BTNL9: variants seen among roughly 807,000 people sequenced by gnomAD.
BTNL9 encodes the protein butyrophilin-like protein 9.
A neutral mutation model predicts 45.8 loss-of-function variants in BTNL9; 45 were observed. The observed-to-expected ratio is 0.98, with a 90% CI of 0.77 to 1.26. The LOEUF (loss-of-function observed/expected upper bound fraction) is 1.26. Among genes scored for constraint, BTNL9 ranks in the 50% most tolerant of loss-of-function variants. The pLI, the probability that BTNL9 is intolerant of heterozygous loss-of-function variation, is 0.00. For missense variants in BTNL9, 784 were observed against 729.7 expected (o/e 1.07, Z -0.86); for synonymous variants, 346 against 330.8 (o/e 1.05, Z -0.50).
intron 9 of BTNL9, among the ~76,000 whole-genome samples, chr5:181,057,826 C>T (rs999772821): frequency 6.6e-6 from 1 of 152,196 alleles, no homozygotes; most frequent in Non-Finnish European, 1.5e-5. Flanking sequence ...GCTCTGAGAA[C>T]GTCTTGTGTT....
chr5:181,045,508 T>A lies in BTNL9; in HGVS notation c.19T>A (p.Ser7Thr). The A allele has an allele frequency of 6.2e-7, 1 of 1,609,766 alleles. No individual in the cohort carries two copies. Residue 7 changes from serine to threonine, a missense_variant, in exon 2 of 11, where the codon TCC becomes ACC. By Grantham distance (58) the Ser-to-Thr change is moderately conservative. Coordinates refer to ENST00000327705, the MANE Select transcript of BTNL9 (RefSeq NM_152547.5). The part of the protein sequence containing the change: MVDLSV[S>T]PDSLKPVSLT... ...ACGAGAGATGGTGGACCTCTCAGTCTCCCCAGACTCCTTGAAGCCAGTATC... is the reference window on the plus strand; with the variant it reads ...ACGAGAGATGGTGGACCTCTCAGTCACCCCAGACTCCTTGAAGCCAGTATC...
At chr5:181,059,139 A>G (rs1762027093) in intron 10 of BTNL9, 98 bp from the exon 11 acceptor site, 1 of 1,404,262 alleles carries the variant, frequency 7.1e-7, no homozygotes, top group Non-Finnish European at 9.2e-7. Flanking sequence ...TTCCTCGATT[A>G]TTCCACCAAG....
rs1471865441 is a variant in BTNL9, at chr5:181,059,438, G to T, written c.1184G>T (p.Arg395Leu). ...YWEVHVGRRS[R>L]WFLGACLAAV... ...GAGGTGCACGTGGGCCGCCGCAGCC[G>T]CTGGTTCCTGGGCGCCTGCCTGGCC... The change falls in exon 11 of 11, where the codon CGC becomes CTC. Residue 395 changes from arginine to leucine, a missense_variant. Coordinates refer to ENST00000327705, the MANE Select transcript of BTNL9 (RefSeq NM_152547.5). 2.0e-6 allele frequency: 3 copies of T among 1,473,032 alleles called. No homozygotes were observed. The highest frequency in any genetic ancestry group is 2.7e-6 in the Non-Finnish European group (3 of 1,116,974). 91.2% of individuals were successfully genotyped at this position (1,473,032 alleles called of 1,614,324 possible). A position where few individuals can be genotyped will look rare whatever the true frequency, so the allele number is the denominator to read the frequency against.
At position 181,055,533 on chromosome 5, in the gene BTNL9, G is replaced by T. The variant is rs1761831469; in HGVS notation, c.928+80G>T. On this transcript the variant is annotated intron_variant, in intron 8 of 10. Coordinates refer to ENST00000327705, the MANE Select transcript of BTNL9 (RefSeq NM_152547.5). This position sits in a 1 kb window ranked among gnomAD's most constrained non-coding sequence, Gnocchi z 4.4. ...ACCTGTAATCCCAGTACTTTGGGAG[G>T]CCGAGGCGGGTGGATCACGAGGTCA... 6 of 1,515,682 alleles carry T rather than the reference G, an allele frequency of 4.0e-6. No individual in the cohort carries two copies. Among genetic ancestry groups the T allele is most frequent in the Non-Finnish European group, 5.5e-6 (6 of 1,092,994 alleles). The allele number at this position is 1,515,682 out of a possible 1,614,324, so 93.9% of individuals were successfully genotyped here.
chr5:181,045,827 C>G (rs898875021), intron 2 of BTNL9, among the ~76,000 whole-genome samples: 15 of 132,518 alleles, frequency 1.1e-4, no homozygotes, highest in African/African-American at 3.3e-4. Context: ...ATCTCTCCAG[C>G]CCTCAACACC....
At chr5:181,047,636 T>C in intron 2 of BTNL9, 3 of 614,916 alleles carry the variant, frequency 4.9e-6, no homozygotes, top group East Asian at 5.1e-5. Context: ...GCCTTGGTCA[T>C]ATTTACATAA....
At chr5:181,054,213 C>T (rs776147638) in intron 6 of BTNL9, 26 bp from the exon 7 acceptor site, 20 of 1,607,378 alleles carry the variant, frequency 1.2e-5, no homozygotes, top group East Asian at 1.1e-4. Flanking sequence ...CCCTTTTCTT[C>T]ATCTTTTTTT....
At position 181,050,118 on chromosome 5, in the gene BTNL9, A is replaced by C. The variant is rs1180731521; in HGVS notation, c.485A>C (p.Glu162Ala). ...GLGSDPHLSLEGFKEGGIQLR... is the reference protein window; with the variant it reads ...GLGSDPHLSLAGFKEGGIQLR... The stretch of plus-strand genomic sequence containing the variant: ...GGCTCAGACCCTCACCTCTCCCTTG[A>C]GGGCTTCAAGGAAGGAGGCATTCAG... Residue 162 changes from glutamate (E) to alanine (A), a missense_variant, in exon 4 of 11, where the codon GAG becomes GCG. Coordinates refer to ENST00000327705, the MANE Select transcript of BTNL9 (RefSeq NM_152547.5). This position sits in a 1 kb window ranked among gnomAD's most constrained non-coding sequence, Gnocchi z 4.9. The C allele has an allele frequency of 3.1e-6, 5 of 1,613,820 alleles. No individual in the cohort carries two copies. Among genetic ancestry groups the C allele is most frequent in the African/African-American group, 1.3e-5 (1 of 74,924 alleles).
At chr5:181,046,566 C>G (rs1761169512) in intron 2 of BTNL9, among the ~76,000 whole-genome samples, 1 of 152,124 alleles carries the variant, frequency 6.6e-6, no homozygotes, top group South Asian at 2.1e-4. Flanking sequence ...ACCAGGAATA[C>G]CAAGGTGACT....
intron 3 of BTNL9, among the ~76,000 whole-genome samples, chr5:181,048,781 ATTAATT>A (rs1761344438): frequency 8.8e-6 from 1 of 113,218 alleles, no homozygotes; most frequent in Non-Finnish European, 1.8e-5. Context: ...TATGCTATAT[ATTAATT>A]ATATAGTTAT....
At position 181,045,569 on chromosome 5, in the gene BTNL9, T is replaced by A; in HGVS notation, c.80T>A (p.Leu27His). Residue 27 changes from leucine to histidine, a missense_variant, in exon 2 of 11, where the codon CTC (leucine) becomes CAC (histidine). By Grantham distance (99) the Leu-to-His change is moderately conservative. Coordinates refer to ENST00000327705, the MANE Select transcript of BTNL9 (RefSeq NM_152547.5). ...TSSLVFLMHL[L>H]LLQPGEPSSE... ...AGTCTTGTCTTCCTCATGCACCTCC[T>A]CCTCCTTCAGCCTGGGGAGCCGAGC... 6.2e-7 allele frequency: 1 copy of A among 1,612,502 alleles called. No homozygotes were observed. The highest frequency in any genetic ancestry group is 1.1e-5 in the South Asian group (1 of 91,072).
intron 7 of BTNL9, 114 bp downstream of exon 7, chr5:181,054,373 T>A: frequency 6.5e-7 from 1 of 1,547,514 alleles, no homozygotes; most frequent in Non-Finnish European, 8.7e-7. Context: ...TTCTAAACCA[T>A]CCCTGTGAGC....
intron 4 of BTNL9, chr5:181,052,698 G>T (rs1761610365): frequency 6.6e-6 from 1 of 152,158 alleles, no homozygotes; most frequent in African/African-American, 2.4e-5. Flanking sequence ...CTGGGGAGCC[G>T]GGAGGGACGT....
rs571851799 is a variant in BTNL9 at position 181,041,013 on chromosome 5, C to T, written c.-24+581C>T. Among the ~76,000 whole-genome samples, 7 of 152,322 alleles carry T rather than the reference C, an allele frequency of 4.6e-5. No homozygotes were observed. The South Asian group carries it at 1.2e-3, about 27-fold the overall frequency. ...ACTAGAGAAGTTTTCCACTCTGGGA[C>T]CCCACAGTCTCCGCAGACATATGCA... On this transcript the variant is annotated intron_variant, in intron 1 of 10. Coordinates refer to ENST00000327705, the MANE Select transcript of BTNL9 (RefSeq NM_152547.5).
At chr5:181,058,016 C>A (rs190079979) in intron 9 of BTNL9, among the ~76,000 whole-genome samples, 8 of 152,184 alleles carry the variant, frequency 5.3e-5, no homozygotes, top group African/African-American at 1.4e-4. Flanking sequence ...CACAGCCTGG[C>A]GGGTCAGAGG....
chr5:181,053,351 C>A lies in BTNL9; in HGVS notation c.853+35C>A. On this transcript the variant is annotated intron_variant, in intron 5 of 10. Transcript: ENST00000327705. The surrounding 1 kb of genome is among the most constrained non-coding windows in gnomAD (Gnocchi z 6.5). ...CGGGCGGCGGGGCGGGGAGGGGCAC[C>A]GGCCGGTGCTGAACCCCGGGGCCGC... 6.6e-7 allele frequency: 1 copy of A among 1,509,200 alleles called. No individual in the cohort carries two copies. Among genetic ancestry groups the A allele is most frequent in the South Asian group, 1.3e-5 (1 of 78,566 alleles). 93.5% of individuals were successfully genotyped at this position (1,509,200 alleles called of 1,614,324 possible). A position where few individuals can be genotyped will look rare whatever the true frequency, so the allele number is the denominator to read the frequency against.
chr5:181,048,050 A>T lies in BTNL9; in HGVS notation c.233A>T (p.Gln78Leu), dbSNP rs893396936. 2 of 1,613,770 alleles carry T rather than the reference A, an allele frequency of 1.2e-6. No homozygotes were observed. The highest frequency in any genetic ancestry group is 1.7e-6 in the Non-Finnish European group (2 of 1,180,002). ...QQMEIRWFRSQTFNVVHLYQE... is the reference protein window; with the variant it reads ...QQMEIRWFRSLTFNVVHLYQE... ...ATGGAGATCCGCTGGTTCCGGAGTC[A>T]GACCTTCAATGTGGTACACCTGTAC... The change falls in exon 3 of 11, where the codon CAG (glutamine) becomes CTG (leucine). Residue 78 changes from glutamine to leucine, a missense_variant. Coordinates refer to ENST00000327705, the MANE Select transcript of BTNL9 (RefSeq NM_152547.5).
rs1561990785 is a variant in BTNL9 at position 181,059,834 on chromosome 5, CCG to C, written c.1583_1584del (p.Ala528GlyfsTer35). The C allele has an allele frequency of 6.3e-7, 1 of 1,587,498 alleles. No homozygotes were observed. The highest frequency in any genetic ancestry group is 8.5e-7 in the Non-Finnish European group (1 of 1,173,014). On this transcript the variant is annotated frameshift_variant, in exon 11 of 11. Coordinates refer to ENST00000327705, the MANE Select transcript of BTNL9 (RefSeq NM_152547.5). LOFTEE classifies it low-confidence loss of function (END_TRUNC). ...GACACCTGGCTACAGCCCTATGAGC[CCG>C]CGGACCCCGCCCTGGACTGGTGGTG... is the stretch of plus-strand genomic sequence containing the variant.
chr5:181,042,153 T>G lies in BTNL9; in HGVS notation c.-24+1721T>G, dbSNP rs1189023642. Among the ~76,000 whole-genome samples, 2 of 152,162 alleles carry G rather than the reference T, an allele frequency of 1.3e-5. No homozygotes were observed. Among genetic ancestry groups the G allele is most frequent in the African/African-American group, 4.8e-5 (2 of 41,432 alleles). ...GAAGGAGAAGAAAGAAATGGGCTTT[T>G]GCTGGGTGCAGGCAGTGACATTTCT... On this transcript the variant is annotated intron_variant, in intron 1 of 10. Coordinates refer to ENST00000327705, the MANE Select transcript of BTNL9 (RefSeq NM_152547.5). This position sits in a 1 kb window ranked among gnomAD's most constrained non-coding sequence, Gnocchi z 4.5.
Sources: allele counts gnomAD v4.1 joint callset (sites outside exome capture counted in the v4.1 genomes callset), GRCh38; gene constraint gnomAD v4.1.1; non-coding constraint Gnocchi (gnomAD v3.1); transcripts MANE v1.5; gene names NCBI Gene and HGNC (gene_info 2026-07-23, HGNC 2026-07-21).